Variants in B4GALT5 observed in about 807,000 individuals in gnomAD.
B4GALT5 encodes the protein UDP-Gal:beta-GlcNAc beta-1,4-galactosyltransferase 5.
Under a neutral mutation model 45.0 loss-of-function variants are expected in B4GALT5, and 11 were observed. The observed-to-expected ratio is 0.24, with a 90% CI of 0.15 to 0.40. The LOEUF is 0.40. Ranked by LOEUF, B4GALT5 falls within the 10% of genes least tolerant of loss-of-function variation. The pLI, the probability that B4GALT5 is intolerant of heterozygous loss-of-function variation, is 1.00. For missense variants in B4GALT5, 337 were observed against 500.2 expected (o/e 0.67, Z 3.11); for synonymous variants, 185 against 182.9 (o/e 1.01, Z -0.09).
In B4GALT5 at chr20:49,643,579, T is replaced by C; in HGVS notation, c.436A>G (p.Thr146Ala). Residue 146 changes from threonine (T) to alanine (A), a missense_variant, in exon 4 of 9, where the codon ACC becomes GCC. Thr to Ala is a moderately conservative substitution (Grantham distance 58, BLOSUM62 0). Coordinates refer to ENST00000371711, the MANE Select transcript of B4GALT5 (RefSeq NM_004776.4). ...TTCCAGTGACCTCCGAGCTTGATGG[T>C]TGGGTCTTTGGAGAAGAGTTCATGA... Reference protein sequence around the residue: ...YIHELFSKDPTIKLGGHWKPS... With the variant: ...YIHELFSKDPAIKLGGHWKPS... 1.9e-6 allele frequency: 3 copies of C among 1,613,846 alleles called. No homozygotes were observed. Among genetic ancestry groups the C allele is most frequent in the Non-Finnish European group, 2.5e-6 (3 of 1,179,924 alleles).
intron 2 of B4GALT5, among the ~76,000 whole-genome samples, chr20:49,648,206 C>T (rs1407487921): frequency 6.6e-6 from 1 of 152,154 alleles, no homozygotes; most frequent in African/African-American, 2.4e-5. Flanking sequence ...GAAATCCACT[C>T]GAATCTCCTG....
At chr20:49,666,576 AAAGAG>A (rs776427731) in intron 1 of B4GALT5, among the ~76,000 whole-genome samples, 4 of 152,248 alleles carry the variant, frequency 2.6e-5, no homozygotes, top group Non-Finnish European at 2.9e-5. Context: ...AAGAGAATCT[AAAGAG>A]AAGAGAAGCA....
At chr20:49,669,626 G>A (rs774125629) in intron 1 of B4GALT5, among the ~76,000 whole-genome samples, 3 of 151,630 alleles carry the variant, frequency 2.0e-5, no homozygotes, top group Admixed American at 6.6e-5. Context: ...AACCTGGGAG[G>A]CGGATGTTGC....
In B4GALT5 at chr20:49,659,535, A is replaced by AT. The variant is rs1010322523; in HGVS notation, c.116-2834dup. On this transcript the variant is annotated intron_variant, in intron 1 of 8. Coordinates refer to ENST00000371711, the MANE Select transcript of B4GALT5 (RefSeq NM_004776.4). ...AATAAATTAACGTAAACCACATAGT[A>AT]TTTTTTTTTCTAATTATCGAAAGGA... is the stretch of plus-strand genomic sequence containing the variant. Among the ~76,000 whole-genome samples, 7 of 152,076 alleles carry AT rather than the reference A, an allele frequency of 4.6e-5. No individual in the cohort carries two copies. The South Asian group carries it at 6.2e-4, about 14-fold the overall frequency.
chr20:49,636,375 G>T lies in B4GALT5; in HGVS notation c.1104C>A (p.Asp368Glu). Residue 368 changes from aspartate (D) to glutamate (E), a missense_variant, in exon 9 of 9, where the codon GAC becomes GAA. By Grantham distance (45) the Asp-to-Glu change is conservative. This residue lies in a region of B4GALT5 where 163 missense variants were observed against 292.8 expected (regional missense o/e 0.56). Transcript: ENST00000371711. ...NLNYFANITYDALYKNITVNL... is the reference protein window; with the variant it reads ...NLNYFANITYEALYKNITVNL... ...TGACAGTTATGTTTTTATACAAGGC[G>T]TCGTATGTGATGTTTGCAAAGTAGT... 6.2e-7 allele frequency: 1 copy of T among 1,614,084 alleles called. No individual in the cohort carries two copies. The highest frequency in any genetic ancestry group is 1.7e-5 in the Admixed American group (1 of 60,024).
chr20:49,677,734 TTTGATTGATTGA>T (rs558771877), intron 1 of B4GALT5, among the ~76,000 whole-genome samples: 2 of 152,130 alleles, frequency 1.3e-5, no homozygotes, highest in Non-Finnish European at 1.5e-5. Context: ...GTGAAATATC[TTTGATTGATTGA>T]TTGATTGATT....
chr20:49,645,230 T>G (rs1452594828), intron 3 of B4GALT5, among the ~76,000 whole-genome samples: 2 of 151,260 alleles, frequency 1.3e-5, no homozygotes, highest in Non-Finnish European at 2.9e-5. Context: ...CTACAATCAG[T>G]GAGAGGTTTA....
At chr20:49,690,997 T>C (rs142634012) in intron 1 of B4GALT5, among the ~76,000 whole-genome samples, 1 of 152,342 alleles carries the variant, frequency 6.6e-6, no homozygotes, top group African/African-American at 2.4e-5. Context: ...GACAGATAAT[T>C]TAACGTAAAT....
chr20:49,662,316 T>C (rs1431160546), intron 1 of B4GALT5, among the ~76,000 whole-genome samples: 3 of 152,066 alleles, frequency 2.0e-5, no homozygotes, highest in Non-Finnish European at 4.4e-5. Context: ...CTCCTCTGCT[T>C]TGGTTTTCTA....
At chr20:49,668,124 A>C (rs2085699879) in intron 1 of B4GALT5, among the ~76,000 whole-genome samples, 1 of 152,172 alleles carries the variant, frequency 6.6e-6, no homozygotes, top group South Asian at 2.1e-4. Context: ...GGAAAAATTG[A>C]TTTGAGGAAA....
intron 1 of B4GALT5, among the ~76,000 whole-genome samples, chr20:49,680,241 G>A (rs1158707715): frequency 1.3e-5 from 2 of 152,174 alleles, no homozygotes; most frequent in Non-Finnish European, 2.9e-5. Flanking sequence ...ACAAGCTCTT[G>A]GAGTGTTCTG....
intron 1 of B4GALT5, among the ~76,000 whole-genome samples, chr20:49,706,540 T>C (rs1339926763): frequency 1.3e-5 from 2 of 152,216 alleles, no homozygotes; most frequent in Non-Finnish European, 2.9e-5. Flanking sequence ...GCTGGGTACC[T>C]GGGTAGCTCC....
chr20:49,706,139 G>A (rs887731359), intron 1 of B4GALT5, among the ~76,000 whole-genome samples: 10 of 149,692 alleles, frequency 6.7e-5, no homozygotes, highest in Non-Finnish European at 1.3e-4. Context: ...AGGTTGCAGT[G>A]AGCCAAGATC....
At chr20:49,704,805 T>C (rs2085877778) in intron 1 of B4GALT5, among the ~76,000 whole-genome samples, 1 of 148,320 alleles carries the variant, frequency 6.7e-6, no homozygotes, top group South Asian at 2.1e-4. Flanking sequence ...TCCACAATAT[T>C]TTTCATCTTT....
intron 1 of B4GALT5, among the ~76,000 whole-genome samples, chr20:49,709,785 T>A (rs974342067): frequency 4.0e-5 from 6 of 151,140 alleles, no homozygotes; most frequent in East Asian, 3.9e-4. Flanking sequence ...AAAAAAAAAA[T>A]TCCAACGAAG....
chr20:49,652,397 T>C (rs1356478711), intron 2 of B4GALT5, among the ~76,000 whole-genome samples: 4 of 151,764 alleles, frequency 2.6e-5, no homozygotes, highest in Non-Finnish European at 4.4e-5. Context: ...GAAATTTATA[T>C]ATACTAGAAA....
chr20:49,669,879 C>G (rs1450103290), intron 1 of B4GALT5, among the ~76,000 whole-genome samples: 1 of 56,154 alleles, frequency 1.8e-5, no homozygotes, highest in Non-Finnish European at 4.0e-5. Flanking sequence ...TTCGTGCAGA[C>G]TGGTATAAAC....
intron 1 of B4GALT5, among the ~76,000 whole-genome samples, chr20:49,677,662 G>T (rs527942717): frequency 4.6e-5 from 7 of 152,282 alleles, no homozygotes; most frequent in Middle Eastern, 3.4e-3. Context: ...CATATAATCA[G>T]AACACAATAT....
chr20:49,637,644 A>T (rs1344060500), intron 7 of B4GALT5, among the ~76,000 whole-genome samples: 2 of 152,102 alleles, frequency 1.3e-5, no homozygotes, highest in African/African-American at 4.8e-5. Flanking sequence ...ATGTGAACGG[A>T]AAAAATAGGC....
Sources: gnomAD v4.1 joint callset for allele counts (sites outside exome capture counted in the v4.1 genomes callset) on GRCh38, gnomAD v4.1.1 for gene constraint, gnomAD v4.1.1 regional missense constraint, MANE v1.5 for transcripts, NCBI Gene and HGNC (gene_info 2026-07-23, HGNC 2026-07-21) for gene names.